Variants in IGSF21 observed in about 807,000 individuals in gnomAD.
The protein encoded by IGSF21 is immunoglobin superfamily member 21.
In IGSF21, 28 loss-of-function variants were observed where a neutral mutation model predicts 46.8. The ratio of observed to expected loss-of-function variants is 0.60; its 90% CI spans 0.44 to 0.82. The LOEUF is 0.82. IGSF21 is among the 40% of genes least tolerant of loss of function. The pLI, the probability that IGSF21 is intolerant of heterozygous loss-of-function variation, is 0.00. For synonymous variants in IGSF21, 284 were observed against 273.6 expected, an observed-to-expected ratio of 1.04 and a Z score of -0.38; for missense variants, 624 against 665.5, an observed-to-expected ratio of 0.94 and a Z score of 0.69.
intron 1 of IGSF21, among the ~76,000 whole-genome samples, chr1:18,224,318 G>A (rs2084540475): frequency 6.6e-6 from 1 of 152,082 alleles, no homozygotes; most frequent in Non-Finnish European, 1.5e-5. Flanking sequence ...CAGCTTCAGG[G>A]CCTTTGCGCT....
chr1:18,319,441 T>G (rs1431936555), intron 3 of IGSF21, among the ~76,000 whole-genome samples: 2 of 152,246 alleles, frequency 1.3e-5, no homozygotes, highest in Non-Finnish European at 2.9e-5. Context: ...GAAACTATCA[T>G]AGTAACTATT....
At chr1:18,200,325 A>T (rs190491218) in intron 1 of IGSF21, among the ~76,000 whole-genome samples, 1 of 152,332 alleles carries the variant, frequency 6.6e-6, no homozygotes, top group South Asian at 2.1e-4. Context: ...TCCTACCTGA[A>T]TTAGTTTCCT....
chr1:18,269,080 G>A (rs1367438948), intron 2 of IGSF21, among the ~76,000 whole-genome samples: 1 of 152,200 alleles, frequency 6.6e-6, no homozygotes, highest in African/African-American at 2.4e-5. Context: ...GTAAACAACC[G>A]CATCACATGG....
intron 2 of IGSF21, among the ~76,000 whole-genome samples, chr1:18,260,880 G>A (rs917185409): frequency 2.6e-5 from 4 of 152,218 alleles, no homozygotes; most frequent in African/African-American, 9.6e-5. Context: ...ATCCATCCTG[G>A]TCTTGGCTAG....
intron 1 of IGSF21, among the ~76,000 whole-genome samples, chr1:18,181,308 G>A (rs1057080705): frequency 2.6e-5 from 4 of 152,278 alleles, no homozygotes; most frequent in African/African-American, 7.2e-5. Context: ...TGCCCTGCTC[G>A]GCTTCTTGTC....
chr1:18,320,998 C>T (rs1433497279), intron 3 of IGSF21, among the ~76,000 whole-genome samples: 1 of 152,250 alleles, frequency 6.6e-6, no homozygotes, highest in Non-Finnish European at 1.5e-5. Context: ...AGAGCTTTCT[C>T]TCTGAATTGC....
chr1:18,257,850 C>T lies in IGSF21; in HGVS notation c.183+29840C>T, dbSNP rs11808156. On this transcript the variant is annotated intron_variant, in intron 2 of 9. Transcript: ENST00000251296. Reference sequence around the variant, plus strand: ...CAGTACTGGACAAAGGGTAGAATGACATGGGAAACTTCTCCCTCCCCCTCA... The same window carrying T: ...CAGTACTGGACAAAGGGTAGAATGATATGGGAAACTTCTCCCTCCCCCTCA... Among the ~76,000 whole-genome samples the T allele has an allele frequency of 7.4e-3, 1,134 of 152,306 alleles. 11 individuals are homozygous for T. Among genetic ancestry groups the T allele is most frequent in the African/African-American group, 0.025 (1,031 of 41,568 alleles).
At chr1:18,227,852 C>T in intron 1 of IGSF21, 46 bp from the exon 2 acceptor site, 1 of 1,450,010 alleles carries the variant, frequency 6.9e-7, no homozygotes, top group Non-Finnish European at 9.7e-7. Flanking sequence ...CCCAGCCCCT[C>T]TGATCTGCTC....
In IGSF21 at chr1:18,376,970, G is replaced by A. The variant is rs150265456; in HGVS notation, c.1272G>A (p.Thr424=). 4 of 1,595,500 alleles carry A rather than the reference G, an allele frequency of 2.5e-6. No individual in the cohort carries two copies. Among genetic ancestry groups the A allele is most frequent in the Admixed American group, 3.4e-5 (2 of 59,158 alleles). The change falls in exon 8 of 10, where the codon ACG becomes ACA. Residue 424 remains threonine, a synonymous_variant. Transcript: ENST00000251296. ...TAQNPLGSTD[T]HTRLIVFENP... ...AGAACCCACTGGGCTCCACCGACACGCACACCCGGCTCATCGTGTTTGGTA... is the reference window on the plus strand; with the variant it reads ...AGAACCCACTGGGCTCCACCGACACACACACCCGGCTCATCGTGTTTGGTA...
At chr1:18,298,784 A>C (rs2085335076) in intron 3 of IGSF21, among the ~76,000 whole-genome samples, 1 of 152,206 alleles carries the variant, frequency 6.6e-6, no homozygotes, top group Admixed American at 6.5e-5. Context: ...CGGTGCACAA[A>C]AGTGGCTAAA....
intron 1 of IGSF21, among the ~76,000 whole-genome samples, chr1:18,140,210 A>G (rs981423658): frequency 1.1e-4 from 17 of 152,172 alleles, no homozygotes; most frequent in African/African-American, 3.9e-4. Flanking sequence ...GGCATCCCAG[A>G]GTGCTGGAAT....
chr1:18,328,508 T>C (rs223172), intron 3 of IGSF21, among the ~76,000 whole-genome samples: 142,470 of 152,314 alleles, frequency 0.94, 66,714 homozygotes, highest in African/African-American at 0.98. Flanking sequence ...CCTTCTGTAT[T>C]GTTTTGTCTG....
rs751708243 is a variant in IGSF21 at position 18,365,689 on chromosome 1, T to A, written c.1007T>A (p.Val336Asp). The A allele has an allele frequency of 6.2e-7, 1 of 1,610,918 alleles. No individual in the cohort carries two copies. The change falls in exon 6 of 10, where the codon GTC becomes GAC. Residue 336 changes from valine to aspartate, a missense_variant. Transcript: ENST00000251296. The surrounding 1 kb of genome is among the most constrained non-coding windows in gnomAD (Gnocchi z 4.8). ...CTGTCGATGCCCATGCAGGCAGAGG[T>A]CACGCTGGGTAAGACTTGGTGGGGG... ...PALSMPMQAE[V>D]TLVAPKGPKI...
chr1:18,174,122 G>A (rs1324246875), intron 1 of IGSF21, among the ~76,000 whole-genome samples: 1 of 152,156 alleles, frequency 6.6e-6, no homozygotes, highest in East Asian at 1.9e-4. Context: ...TGTGTTCTGT[G>A]GCTTGCGGGG....
intron 2 of IGSF21, among the ~76,000 whole-genome samples, chr1:18,289,667 G>T (rs549281159): frequency 6.6e-6 from 1 of 152,206 alleles, no homozygotes; most frequent in Non-Finnish European, 1.5e-5. Flanking sequence ...TTCTTGGGAG[G>T]GGGGCAAGGG....
chr1:18,225,085 T>TCTCTCTCTCTCTCTCTCCCACACACA, intron 1 of IGSF21, among the ~76,000 whole-genome samples: 1 of 51,582 alleles, frequency 1.9e-5, no homozygotes, highest in African/African-American at 7.1e-5. Context: ...TCTCTCTCTC[T>TCTCTCTCTCTCTCTCTCCCACACACA]CACACACACA....
chr1:18,205,185 GGA>G (rs1291613409), intron 1 of IGSF21, among the ~76,000 whole-genome samples: 1 of 151,780 alleles, frequency 6.6e-6, no homozygotes, highest in Non-Finnish European at 1.5e-5. Context: ...GGAGAGAGGA[GGA>G]GAGAGAGAAT....
chr1:18,313,029 G>C (rs2124586299), intron 3 of IGSF21, among the ~76,000 whole-genome samples: 1 of 152,302 alleles, frequency 6.6e-6, no homozygotes, highest in East Asian at 1.9e-4. Flanking sequence ...TGAAGGGCAA[G>C]AGCCCCGTTT....
At chr1:18,245,809 G>A (rs2084778119) in intron 2 of IGSF21, among the ~76,000 whole-genome samples, 1 of 152,148 alleles carries the variant, frequency 6.6e-6, no homozygotes, top group Non-Finnish European at 1.5e-5. Context: ...GAGAGCAGGG[G>A]CCTTATGAGG....
Sources: allele counts gnomAD v4.1 joint callset (sites outside exome capture counted in the v4.1 genomes callset), GRCh38; gene constraint gnomAD v4.1.1; non-coding constraint Gnocchi (gnomAD v3.1); transcripts MANE v1.5; gene names NCBI Gene and HGNC (gene_info 2026-07-23, HGNC 2026-07-21).